PHF24: variants seen among roughly 807,000 people sequenced by gnomAD.
The protein encoded by PHF24 is Galpha inhibitory interacting protein.
A neutral mutation model predicts 42.6 loss-of-function variants in PHF24; 25 were observed. That is an observed-to-expected ratio of 0.59 (90% CI 0.43 to 0.82). The LOEUF (loss-of-function observed/expected upper bound fraction) is 0.82, where lower values mean the gene tolerates loss of function less well. Among genes scored for constraint, PHF24 ranks in the 40% least tolerant of loss-of-function variants. The probability of loss-of-function intolerance (pLI) is 0.00; values close to 1 mark genes in which losing one functional copy is unlikely to be tolerated. For missense variants in PHF24, 470 were observed against 538.1 expected (o/e 0.87, Z 1.25); for synonymous variants, 185 against 204.8 (o/e 0.90, Z 0.83).
the PHF24 span, chr9:34,725,140 C>T: frequency 1.9e-6 from 3 of 1,546,198 alleles, no homozygotes; most frequent in East Asian, 2.5e-5. Context: ...TTCTGCAGTC[C>T]CAGGACCTGT....
At chr9:34,774,617 C>A in the PHF24 span, among the ~76,000 whole-genome samples, 12 of 152,090 alleles carry the variant, frequency 7.9e-5, no homozygotes, top group African/African-American at 2.9e-4. Context: ...ACTAAAAATA[C>A]AAAAAAATTA....
At chr9:34,918,792 T>A in the PHF24 span, among the ~76,000 whole-genome samples, 1 of 152,306 alleles carries the variant, frequency 6.6e-6, no homozygotes, top group Non-Finnish European at 1.5e-5. Flanking sequence ...CACTAAACAA[T>A]TGTAGTTTTC....
the PHF24 span, chr9:34,917,147 C>G: frequency 1.2e-5 from 13 of 1,100,186 alleles, no homozygotes; most frequent in Non-Finnish European, 1.7e-5. Flanking sequence ...ACCGGCCCGT[C>G]TGCTCGGCAC....
the PHF24 span, among the ~76,000 whole-genome samples, chr9:34,697,310 T>A: frequency 6.6e-6 from 1 of 152,206 alleles, no homozygotes; most frequent in Admixed American, 6.5e-5. Flanking sequence ...GGATGTTTCA[T>A]GTTTCACATT....
the PHF24 span, among the ~76,000 whole-genome samples, chr9:34,930,128 A>T: frequency 6.6e-6 from 1 of 152,088 alleles, no homozygotes; most frequent in African/African-American, 2.4e-5. Flanking sequence ...ATCTCCCTAA[A>T]ATGTCTGGGG....
At chr9:34,680,716 A>ATAAATAAATAAAAAAAAATAAT in the PHF24 span, among the ~76,000 whole-genome samples, 1 of 141,182 alleles carries the variant, frequency 7.1e-6, no homozygotes, top group Non-Finnish European at 1.5e-5. Context: ...ATAAAAAAAA[A>ATAAATAAATAAAAAAAAATAAT]AATAAAATAA....
the PHF24 span, among the ~76,000 whole-genome samples, chr9:34,766,684 CCTT>C: frequency 3.9e-5 from 6 of 152,200 alleles, no homozygotes; most frequent in Admixed American, 3.9e-4. Flanking sequence ...GCGTCTGAAG[CCTT>C]CTTCTCTCAA....
chr9:34,754,955 A>T, the PHF24 span, among the ~76,000 whole-genome samples: 2 of 152,232 alleles, frequency 1.3e-5, no homozygotes, highest in Admixed American at 1.3e-4. Context: ...CCATGCATAG[A>T]AATACAAACT....
At chr9:34,699,971 T>A in the PHF24 span, among the ~76,000 whole-genome samples, 1 of 152,272 alleles carries the variant, frequency 6.6e-6, no homozygotes, top group Admixed American at 6.5e-5. Flanking sequence ...AATAAGGCAG[T>A]CAGGAAAACC....
the PHF24 span, among the ~76,000 whole-genome samples, chr9:34,873,764 G>A: frequency 8.7e-5 from 13 of 149,224 alleles, no homozygotes; most frequent in Non-Finnish European, 1.5e-4. Context: ...AGCTTGATGG[G>A]GATGGCATTG....
At chr9:34,924,354 C>G in the PHF24 span, among the ~76,000 whole-genome samples, 1 of 152,058 alleles carries the variant, frequency 6.6e-6, no homozygotes, top group East Asian at 1.9e-4. Flanking sequence ...ATAAACCTGT[C>G]CAAGTCTGAA....
chr9:34,891,817 T>C, the PHF24 span, among the ~76,000 whole-genome samples: 3 of 152,316 alleles, frequency 2.0e-5, no homozygotes, highest in African/African-American at 7.2e-5. Flanking sequence ...CAGAGATCTC[T>C]GGACAACAGC....
At chr9:34,733,084 A>C in the PHF24 span, among the ~76,000 whole-genome samples, 16 of 152,334 alleles carry the variant, frequency 1.1e-4, no homozygotes, top group South Asian at 1.2e-3. Context: ...TGTGTATTTT[A>C]AATGTTGATA....
the PHF24 span, among the ~76,000 whole-genome samples, chr9:34,831,836 A>G: frequency 6.6e-6 from 1 of 152,204 alleles, no homozygotes; most frequent in Non-Finnish European, 1.5e-5. Context: ...GGATTACAGC[A>G]GGCTCCAAGA....
In PHF24 at chr9:34,975,765, T is replaced by A. The variant is rs117353128; in HGVS notation, c.565-387T>A. On this transcript the variant is annotated intron_variant, in intron 3 of 7. Coordinates refer to ENST00000242315, the Ensembl canonical transcript of PHF24. ...ACAGAAGCCAAGTAGATAAAAGGGA[T>A]GGAGATGGAGCCGCTCTGCTTGATG... 3.3e-3 allele frequency among the ~76,000 whole-genome samples: 502 copies of A among 151,128 alleles called. 2 individuals are homozygous for A. Among genetic ancestry groups the A allele is most frequent in the Non-Finnish European group, 5.2e-3 (354 of 67,866 alleles).
chr9:34,832,913 C>T, the PHF24 span: 1 of 1,551,668 alleles, frequency 6.4e-7, no homozygotes, highest in Non-Finnish European at 8.7e-7. Flanking sequence ...CTCTTTCTCC[C>T]CAGGGACTCG....
chr9:34,884,044 G>A, the PHF24 span, among the ~76,000 whole-genome samples: 4 of 152,156 alleles, frequency 2.6e-5, no homozygotes, highest in African/African-American at 4.8e-5. Context: ...CATAAAAAAG[G>A]GTGAGTTCAT....
chr9:34,696,233 A>G, the PHF24 span, among the ~76,000 whole-genome samples: 1 of 152,164 alleles, frequency 6.6e-6, no homozygotes, highest in Non-Finnish European at 1.5e-5. Context: ...CACGCCTGTA[A>G]TCCCAACATT....
chr9:34,729,256 A>G, the PHF24 span: 5,831 of 1,545,572 alleles, frequency 3.8e-3, 118 homozygotes, highest in African/African-American at 0.051. Flanking sequence ...CTGAGGCTTA[A>G]TTAGTTCAGT....
Sources: gnomAD v4.1 joint callset for allele counts (sites outside exome capture counted in the v4.1 genomes callset) on GRCh38, gnomAD v4.1.1 for gene constraint, MANE v1.5 for transcripts, NCBI Gene and HGNC (gene_info 2026-07-23, HGNC 2026-07-21) for gene names.